FAH: variants seen among roughly 807,000 people sequenced by gnomAD.
FAH encodes the protein fumarylacetoacetase.
FAH carries 47 observed loss-of-function variants against 55.8 expected under a neutral mutation model. That is an observed-to-expected ratio of 0.84 (90% CI 0.67 to 1.07). The LOEUF is 1.07. Among genes scored for constraint, FAH ranks in the 50% least tolerant of loss-of-function variants. FAH has a pLI of 0.00. For missense variants in FAH, 495 were observed against 545.9 expected, an observed-to-expected ratio of 0.91 and a Z score of 0.93; for synonymous variants, 199 against 207.7, an observed-to-expected ratio of 0.96 and a Z score of 0.36.
chr15:80,162,210 G>A (rs768061143), intron 4 of FAH, 36 bp from the exon 5 acceptor site: 126 of 1,533,306 alleles, frequency 8.2e-5, no homozygotes, highest in Non-Finnish European at 8.7e-5. Flanking sequence ...AGGCATGTGG[G>A]TTGCTGATGG....
At chr15:80,169,213 T>A (rs2041220103) in intron 7 of FAH, among the ~76,000 whole-genome samples, 1 of 151,926 alleles carries the variant, frequency 6.6e-6, no homozygotes, top group South Asian at 2.1e-4. Context: ...TGAAACCCCG[T>A]CTCTACTAAA....
chr15:80,168,554 TC>T (rs1234718415), intron 7 of FAH: 1 of 581,674 alleles, frequency 1.7e-6, no homozygotes, highest in Non-Finnish European at 3.1e-6. Flanking sequence ...GAATTAATAT[TC>T]ACAGAGCTTT....
intron 4 of FAH, 169 bp downstream of exon 4, chr15:80,160,628 T>C (rs1567115259): frequency 2.8e-6 from 2 of 716,906 alleles, no homozygotes; most frequent in South Asian, 3.0e-5. Flanking sequence ...TTTCCCAGCA[T>C]CCAGGCCCGG....
chr15:80,164,568 A>G (rs371463576), intron 5 of FAH, among the ~76,000 whole-genome samples: 2 of 152,238 alleles, frequency 1.3e-5, no homozygotes, highest in South Asian at 4.1e-4. Flanking sequence ...ATGCACACAC[A>G]CACACTTATG....
At chr15:80,176,691 G>GCCTCCTGCCACCCAC (rs1567120284) in intron 10 of FAH, among the ~76,000 whole-genome samples, 1 of 152,242 alleles carries the variant, frequency 6.6e-6, no homozygotes, top group Non-Finnish European at 1.5e-5. Context: ...TGCGTGCTTG[G>GCCTCCTGCCACCCAC]AGTATACTTT....
At chr15:80,166,153 C>T (rs1162424694) in intron 5 of FAH, 1 of 151,724 alleles carries the variant, frequency 6.6e-6, no homozygotes, top group African/African-American at 2.4e-5. Context: ...GAGACTGGGT[C>T]TTACTTGGTC....
At position 80,186,229 on chromosome 15, in the gene FAH, G is replaced by A; in HGVS notation, c.*20G>A. 1 of 1,603,594 alleles carries A rather than the reference G, an allele frequency of 6.2e-7. No homozygotes were observed. Among genetic ancestry groups the A allele is most frequent in the Non-Finnish European group, 8.5e-7 (1 of 1,170,752 alleles). Reference sequence around the variant, plus strand: ...TCATGAGATTTTCTCTGCTCTTCTGGAAACAAAGGGCTCAAGCACCCCTTT... The same window carrying A: ...TCATGAGATTTTCTCTGCTCTTCTGAAAACAAAGGGCTCAAGCACCCCTTT... On this transcript the variant is annotated 3_prime_UTR_variant, in exon 14 of 14. Coordinates refer to ENST00000561421, the MANE Select transcript of FAH (RefSeq NM_000137.4).
intron 1 of FAH, 74 bp downstream of exon 1, chr15:80,153,209 A>AGTGGAGTGGAGTGGAGTGGT: frequency 8.8e-7 from 1 of 1,134,784 alleles, no homozygotes; most frequent in Non-Finnish European, 1.3e-6. Flanking sequence ...AGTGGAGTGG[A>AGTGGAGTGGAGTGGAGTGGT]GTGGAATGGA....
At chr15:80,159,923 G>A (rs1468910891) in intron 3 of FAH, 46 bp downstream of exon 3, 14 of 1,604,658 alleles carry the variant, frequency 8.7e-6, no homozygotes, top group South Asian at 1.1e-5. Flanking sequence ...TGCAGCAGGG[G>A]AGGTGAAGGC....
chr15:80,175,067 A>G lies in FAH; in HGVS notation c.889A>G (p.Ile297Val). The G allele has an allele frequency of 4.3e-6, 7 of 1,614,154 alleles. No individual in the cohort carries two copies. The highest frequency in any genetic ancestry group is 5.1e-6 in the Non-Finnish European group (6 of 1,179,998). The change falls in exon 10 of 14, where the codon ATC becomes GTC. Residue 297 changes from isoleucine (I) to valine (V), a missense_variant. By Grantham distance (29) the Ile-to-Val change is conservative. Coordinates refer to ENST00000561421, the MANE Select transcript of FAH (RefSeq NM_000137.4). ...LCHDEPYTFD[I>V]NLSVNLKGEG... is the part of the protein sequence containing the mutation. ...CCATGACGAGCCCTACACATTTGAC[A>G]TCAACCTCTCTGTTAACCTGAAAGG...
Position 80,168,289 on chromosome 15 carries a change from C to T in FAH, c.579C>T (p.Cys193=), listed in dbSNP as rs369643035. ...DDSKPPVYGA[C]KLLDMELEMA... ...CTAAGCCTCCCGTATATGGTGCCTG[C>T]AAGCTCTTGGACATGGAGCTGGAAA... is the stretch of plus-strand genomic sequence containing the variant. Residue 193 remains cysteine (C), a synonymous_variant, in exon 7 of 14, where the codon TGC becomes TGT. Coordinates refer to ENST00000561421, the MANE Select transcript of FAH (RefSeq NM_000137.4). 1.2e-6 allele frequency: 2 copies of T among 1,611,526 alleles called. No homozygotes were observed. The highest frequency in any genetic ancestry group is 2.7e-5 in the African/African-American group (2 of 74,640).
At chr15:80,170,134 G>A (rs888189243) in intron 7 of FAH, among the ~76,000 whole-genome samples, 46 of 152,240 alleles carry the variant, frequency 3.0e-4, no homozygotes, top group African/African-American at 1.1e-3. Context: ...GGGAGGCAGC[G>A]CTCCGGGGAC....
chr15:80,168,173 C>A, intron 6 of FAH, 24 bp downstream of exon 6: 1 of 1,611,528 alleles, frequency 6.2e-7, no homozygotes, highest in Non-Finnish European at 8.5e-7. Flanking sequence ...GCGTCCAGGC[C>A]TTGCTGGTAC....
chr15:80,175,278 A>T (rs2041273332), intron 10 of FAH, among the ~76,000 whole-genome samples, 187 bp downstream of exon 10: 1 of 151,872 alleles, frequency 6.6e-6, no homozygotes, highest in Admixed American at 6.6e-5. Flanking sequence ...CTGGGAACCT[A>T]ACTGGGCCCA....
At chr15:80,165,766 A>G (rs1252489339) in intron 5 of FAH, among the ~76,000 whole-genome samples, 4 of 151,042 alleles carry the variant, frequency 2.6e-5, no homozygotes, top group Non-Finnish European at 4.4e-5. Flanking sequence ...GGAAATGAGG[A>G]CCATGCTGGT....
intron 7 of FAH, among the ~76,000 whole-genome samples, chr15:80,169,912 G>C (rs929156952): frequency 6.6e-6 from 1 of 152,202 alleles, no homozygotes; most frequent in African/African-American, 2.4e-5. Context: ...AAATAGTACA[G>C]AGATCCCAAT....
Position 80,180,331 on chromosome 15 carries a change from G to A in FAH, c.1062+106G>A, listed in dbSNP as rs191400820. On this transcript the variant is annotated intron_variant, in intron 12 of 13. Transcript: ENST00000561421. ...CTCGAGAAGAGATTTCAGGCCCGAG[G>A]TGGGTGTATCTCACAACTCTGTCTT... 775 of 859,480 alleles carry A rather than the reference G, an allele frequency of 9.0e-4. 2 individuals carry two copies. The highest frequency in any genetic ancestry group is 2.1e-3 in the Middle Eastern group (7 of 3,326). 53.2% of individuals were successfully genotyped at this position (859,480 alleles called of 1,614,324 possible). A position where few individuals can be genotyped will look rare whatever the true frequency, so the allele number is the denominator to read the frequency against.
intron 3 of FAH, 61 bp downstream of exon 3, chr15:80,159,938 T>C (rs569966831): frequency 1.9e-6 from 3 of 1,580,552 alleles, no homozygotes; most frequent in East Asian, 2.3e-5. Flanking sequence ...GAAGGCTGTG[T>C]GGTTATCAGT....
At chr15:80,157,732 A>G (rs1425741629) in intron 1 of FAH, 2 of 398,784 alleles carry the variant, frequency 5.0e-6, no homozygotes, top group Non-Finnish European at 9.5e-6. Flanking sequence ...CACTGGAGGC[A>G]TTTATGTAAT....
Sources: allele counts gnomAD v4.1 joint callset (sites outside exome capture counted in the v4.1 genomes callset), GRCh38; gene constraint gnomAD v4.1.1; transcripts MANE v1.5; gene names NCBI Gene and HGNC (gene_info 2026-07-23, HGNC 2026-07-21).